SMAD2: variants seen among roughly 807,000 people sequenced by gnomAD.
SMAD2 encodes the protein SMAD family member 2, also known as MAD homolog 2.
In SMAD2, 8 loss-of-function variants were observed where a neutral mutation model predicts 64.4. The observed-to-expected ratio is 0.12, with a 90% CI of 0.07 to 0.22. The LOEUF (loss-of-function observed/expected upper bound fraction) is 0.22, where lower values mean the gene tolerates loss of function less well. Among genes scored for constraint, SMAD2 ranks in the 10% least tolerant of loss-of-function variants. The pLI, the probability that SMAD2 is intolerant of heterozygous loss-of-function variation, is 1.00. For missense variants in SMAD2, 289 were observed against 561.2 expected (o/e 0.51, Z 4.90); for synonymous variants, 203 against 195.8 (o/e 1.04, Z -0.31).
At chr18:47,847,251 A>T (rs1374355887) in intron 8 of SMAD2, among the ~76,000 whole-genome samples, 3 of 152,148 alleles carry the variant, frequency 2.0e-5, no homozygotes, top group East Asian at 3.8e-4. Context: ...TTATACATCA[A>T]GCAAGATTTG....
In SMAD2 at chr18:47,828,122, C is replaced by T. The variant is rs12955534; in HGVS notation, c.*13705G>A. 70,858 of 160,886 alleles carry T rather than the reference C, an allele frequency of 0.44. 16,437 individuals carry two copies. Among genetic ancestry groups the T allele is most frequent in the East Asian group, 0.59 (3,096 of 5,260 alleles). 10.0% of individuals were successfully genotyped at this position (160,886 alleles called of 1,614,324 possible). A position where few individuals can be genotyped will look rare whatever the true frequency, so the allele number is the denominator to read the frequency against. On this transcript the variant is annotated 3_prime_UTR_variant, in exon 11 of 11. Coordinates refer to ENST00000262160, the MANE Select transcript of SMAD2 (RefSeq NM_005901.6). ...GTCTGGGAGGTGAGGAGCGTCTCTG[C>T]CCGGCCGCCCCGTCTGAGAAGTGAG...
At chr18:47,848,757 T>C (rs1914782922) in intron 7 of SMAD2, 70 bp from the exon 8 acceptor site, 8 of 1,092,892 alleles carry the variant, frequency 7.3e-6, no homozygotes, top group Non-Finnish European at 1.1e-5. Flanking sequence ...AAAAATAGAT[T>C]TAATATAATC....
At position 47,816,249 on chromosome 18, in the gene SMAD2, T is replaced by C. The variant is rs1912361801; in HGVS notation, c.*25578A>G. The C allele has an allele frequency of 6.6e-6, 1 of 152,218 alleles. No individual in the cohort carries two copies. The highest frequency in any genetic ancestry group is 1.5e-5 in the Non-Finnish European group (1 of 68,044). The allele number at this position is 152,218 out of a possible 1,614,324, so 9.4% of individuals were successfully genotyped here. A position where few individuals can be genotyped will look rare whatever the true frequency, so the allele number is the denominator to read the frequency against. ...AATTTATTTATTTGCACCTATGTAT[T>C]GTTCAGAAGTTTTAGGTCTTATGAA... On this transcript the variant is annotated 3_prime_UTR_variant, in exon 11 of 11. Coordinates refer to ENST00000262160, the MANE Select transcript of SMAD2 (RefSeq NM_005901.6).
intron 1 of SMAD2, among the ~76,000 whole-genome samples, chr18:47,900,780 C>T (rs1166883247): frequency 6.6e-6 from 1 of 152,068 alleles, no homozygotes; most frequent in African/African-American, 2.4e-5. Context: ...CATTGTAGTT[C>T]ACCTTCATTT....
chr18:47,847,745 C>T (rs1391495869), intron 8 of SMAD2, among the ~76,000 whole-genome samples: 1 of 145,046 alleles, frequency 6.9e-6, no homozygotes, highest in East Asian at 2.1e-4. Context: ...TTTCAACATT[C>T]ATGTCTAGTG....
intron 6 of SMAD2, among the ~76,000 whole-genome samples, chr18:47,857,764 G>A (rs1404014015): frequency 6.6e-6 from 1 of 152,128 alleles, no homozygotes; most frequent in African/African-American, 2.4e-5. Flanking sequence ...ATGCACAGAC[G>A]ACAGGAATCG....
Position 47,837,766 on chromosome 18 carries a change from A to G in SMAD2, c.*4061T>C, listed in dbSNP as rs1913569047. ...CCTTCGATCAGAGTAAGAAAAAAGT[A>G]TTCATTGTTCATGTCCACAGACTAG... is the stretch of plus-strand genomic sequence containing the variant. On this transcript the variant is annotated 3_prime_UTR_variant, in exon 11 of 11. Coordinates refer to ENST00000262160, the MANE Select transcript of SMAD2 (RefSeq NM_005901.6). The G allele has an allele frequency of 4.3e-6, 1 of 232,878 alleles. No individual in the cohort carries two copies. The highest frequency in any genetic ancestry group is 5.6e-5 in the Admixed American group (1 of 17,760). The allele number at this position is 232,878 out of a possible 1,614,324, so 14.4% of individuals were successfully genotyped here.
In SMAD2 at chr18:47,811,074, G is replaced by A. The variant is rs991295325; in HGVS notation, c.*30753C>T. ...TGACTCTATCCCCCAAGCCCCAAAT[G>A]TGCAATAAAGAAAGTAAAAATTAGT... On this transcript the variant is annotated 3_prime_UTR_variant, in exon 11 of 11. Coordinates refer to ENST00000262160, the MANE Select transcript of SMAD2 (RefSeq NM_005901.6). 6.6e-6 allele frequency: 1 copy of A among 152,290 alleles called. No individual in the cohort carries two copies. The highest frequency in any genetic ancestry group is 2.4e-5 in the African/African-American group (1 of 41,442). The allele number at this position is 152,290 out of a possible 1,614,324, so 9.4% of individuals were successfully genotyped here.
Position 47,838,945 on chromosome 18 carries a change from GAC to G in SMAD2, c.*2880_*2881del, listed in dbSNP as rs1913683917. 1 of 231,744 alleles carries G rather than the reference GAC, an allele frequency of 4.3e-6. No homozygotes were observed. The highest frequency in any genetic ancestry group is 8.5e-6 in the Non-Finnish European group (1 of 117,644). 14.4% of individuals were successfully genotyped at this position (231,744 alleles called of 1,614,324 possible). A position where few individuals can be genotyped will look rare whatever the true frequency, so the allele number is the denominator to read the frequency against. On this transcript the variant is annotated 3_prime_UTR_variant, in exon 11 of 11. Coordinates refer to ENST00000262160, the MANE Select transcript of SMAD2 (RefSeq NM_005901.6). ...AAGTAATGTTGCTAATTTAAATAAAGACAAAAATTCAACAAAGAGGGGATTCT... is the reference window on the plus strand; with the variant it reads ...AAGTAATGTTGCTAATTTAAATAAAGAAAAATTCAACAAAGAGGGGATTCT...
intron 3 of SMAD2, 106 bp from the exon 4 acceptor site, chr18:47,869,542 T>C (rs1224876845): frequency 6.3e-6 from 5 of 788,860 alleles, no homozygotes; most frequent in Non-Finnish European, 1.0e-5. Flanking sequence ...AAGAAAAGAA[T>C]GACAGCCATT....
chr18:47,897,794 T>C (rs1224536911), intron 1 of SMAD2, among the ~76,000 whole-genome samples: 1 of 152,198 alleles, frequency 6.6e-6, no homozygotes, highest in Non-Finnish European at 1.5e-5. Context: ...GGTTTAAAAA[T>C]TGTTTCGCTC....
rs922693982 is a variant in SMAD2 at position 47,832,969 on chromosome 18, A to G, written c.*8858T>C. 35 of 169,930 alleles carry G rather than the reference A, an allele frequency of 2.1e-4. No homozygotes were observed. Among genetic ancestry groups the G allele is most frequent in the African/African-American group, 8.1e-4 (34 of 42,008 alleles). 10.5% of individuals were successfully genotyped at this position (169,930 alleles called of 1,614,324 possible). ...CATGTACTCTTAAAATCATATGTCC[A>G]TATGTGAAATACAATCACTTTTTTT... is the stretch of plus-strand genomic sequence containing the variant. On this transcript the variant is annotated 3_prime_UTR_variant, in exon 11 of 11. Coordinates refer to ENST00000262160, the MANE Select transcript of SMAD2 (RefSeq NM_005901.6).
intron 1 of SMAD2, among the ~76,000 whole-genome samples, chr18:47,903,331 C>T (rs1050358695): frequency 1.3e-5 from 2 of 150,590 alleles, no homozygotes; most frequent in African/African-American, 4.9e-5. Context: ...AGATGTCTCA[C>T]TGGGCACAAA....
intron 10 of SMAD2, among the ~76,000 whole-genome samples, chr18:47,842,884 C>A (rs145992638): frequency 1.2e-3 from 185 of 152,254 alleles, no homozygotes; most frequent in African/African-American, 4.2e-3. Context: ...CACTTCCATG[C>A]GCTGATTTTA....
At chr18:47,882,041 CTTTTTT>C (rs71162900) in intron 2 of SMAD2, among the ~76,000 whole-genome samples, 2,984 of 38,768 alleles carry the variant, frequency 0.077, 240 homozygotes, top group East Asian at 0.35. Context: ...CCACGCTTGG[CTTTTTT>C]TTTTTTTTTT....
At position 47,818,372 on chromosome 18, in the gene SMAD2, G is replaced by C. The variant is rs1332642904; in HGVS notation, c.*23455C>G. ...TGCCTAATAACTGCTTAGGGTGATG[G>C]AACAGTTAATTAAAGGATTAATAGC... On this transcript the variant is annotated 3_prime_UTR_variant, in exon 11 of 11. Coordinates refer to ENST00000262160, the MANE Select transcript of SMAD2 (RefSeq NM_005901.6). 6.6e-6 allele frequency: 1 copy of C among 152,100 alleles called. No homozygotes were observed. Among genetic ancestry groups the C allele is most frequent in the East Asian group, 1.9e-4 (1 of 5,198 alleles). 9.4% of individuals were successfully genotyped at this position (152,100 alleles called of 1,614,324 possible).
chr18:47,861,992 A>G (rs996256729), intron 6 of SMAD2, among the ~76,000 whole-genome samples: 5 of 152,242 alleles, frequency 3.3e-5, no homozygotes, highest in African/African-American at 1.2e-4. Context: ...TCAAACTCAG[A>G]TAGTCTAGCT....
rs543223840 is a variant in SMAD2, at chr18:47,891,075, C to T, written c.236+5446G>A. 1.4e-3 allele frequency among the ~76,000 whole-genome samples: 219 copies of T among 152,192 alleles called. 1 individual carries two copies. Among genetic ancestry groups the T allele is most frequent in the African/African-American group, 5.0e-3 (209 of 41,530 alleles). On this transcript the variant is annotated intron_variant, in intron 2 of 10. Transcript: ENST00000262160. ...ATCCCAGCACTTTGGGAGGCCGAGG[C>T]GGGCGGGTCACCTGAGGTCAGGAGT...
chr18:47,854,735 C>T (rs2030507425), intron 6 of SMAD2, among the ~76,000 whole-genome samples: 1 of 151,968 alleles, frequency 6.6e-6, no homozygotes, highest in South Asian at 2.1e-4. Flanking sequence ...TTCAAGATCA[C>T]AGCAAAACTG....
Sources: gnomAD v4.1 joint callset for allele counts (sites outside exome capture counted in the v4.1 genomes callset) on GRCh38, gnomAD v4.1.1 for gene constraint, MANE v1.5 for transcripts, NCBI Gene and HGNC (gene_info 2026-07-23, HGNC 2026-07-21) for gene names.